The following UBE2G2 variants were observed in gnomAD, a reference collection of about 807,000 sequenced individuals.
UBE2G2 encodes ubiquitin-conjugating enzyme E2 G2.
A neutral mutation model predicts 23.0 loss-of-function variants in UBE2G2; 10 were observed. The observed-to-expected ratio is 0.43, with a 90% CI of 0.27 to 0.74. UBE2G2 has a LOEUF of 0.74. Among genes scored for constraint, UBE2G2 ranks in the 30% least tolerant of loss-of-function variants. The pLI is 0.19. For synonymous variants in UBE2G2, 86 were observed against 81.3 expected (o/e 1.06, Z -0.31); for missense variants, 150 against 218.3 (o/e 0.69, Z 1.97).
chr21:44,788,531 C>T (rs1178133029), intron 1 of UBE2G2, among the ~76,000 whole-genome samples: 2 of 152,158 alleles, frequency 1.3e-5, no homozygotes, highest in Admixed American at 1.3e-4. Flanking sequence ...CCTCGTGATC[C>T]GCCAGCCTCG....
chr21:44,780,343 A>G lies in UBE2G2; in HGVS notation c.126-2926T>C, dbSNP rs59692152. 2.6e-3 allele frequency among the ~76,000 whole-genome samples: 397 copies of G among 152,326 alleles called. 2 individuals are homozygous for G. The highest frequency in any genetic ancestry group is 9.2e-3 in the African/African-American group (382 of 41,568). The stretch of plus-strand genomic sequence containing the variant: ...GCAACTCCCGAGCCAGGAGTGGGAG[A>G]CGCCACAGTGCTGTTTTTGGACAAG... On this transcript the variant is annotated intron_variant, in intron 3 of 5. Coordinates refer to ENST00000345496, the MANE Select transcript of UBE2G2 (RefSeq NM_003343.6).
At chr21:44,778,700 C>T (rs2082931926) in intron 3 of UBE2G2, among the ~76,000 whole-genome samples, 2 of 152,172 alleles carry the variant, frequency 1.3e-5, no homozygotes, top group Admixed American at 6.5e-5. Context: ...TGAATGACAG[C>T]GGCAGACAAC....
At chr21:44,799,932 T>A (rs1555964496) in intron 1 of UBE2G2, 1 of 152,224 alleles carries the variant, frequency 6.6e-6, no homozygotes, top group African/African-American at 2.4e-5. Flanking sequence ...CTAATTTCAA[T>A]GTTGTTTTGT....
At chr21:44,793,741 CCACA>C (rs2083063669) in intron 1 of UBE2G2, among the ~76,000 whole-genome samples, 1 of 152,150 alleles carries the variant, frequency 6.6e-6, no homozygotes, top group South Asian at 2.1e-4. Flanking sequence ...CAAATAGCTA[CCACA>C]CAAAGTGAAA....
chr21:44,783,191 A>C (rs1448159801), intron 3 of UBE2G2, among the ~76,000 whole-genome samples: 1 of 152,238 alleles, frequency 6.6e-6, no homozygotes, highest in East Asian at 1.9e-4. Context: ...ATTAGTCGTC[A>C]AGGAAATCCA....
rs2082850043 is a variant in UBE2G2, at chr21:44,769,015, G to C, written c.*2362C>G. ...GGGGGCAGTGGCCACAGGCTCCTCT[G>C]ACAATACGACAAAGGGACACACACT... On this transcript the variant is annotated 3_prime_UTR_variant, in exon 6 of 6. Coordinates refer to ENST00000345496, the MANE Select transcript of UBE2G2 (RefSeq NM_003343.6). The C allele has an allele frequency of 6.6e-6, 1 of 152,178 alleles. No homozygotes were observed. The highest frequency in any genetic ancestry group is 1.5e-5 in the Non-Finnish European group (1 of 68,054). 9.4% of individuals were successfully genotyped at this position (152,178 alleles called of 1,614,324 possible).
At chr21:44,798,894 C>T (rs2083114209) in intron 1 of UBE2G2, among the ~76,000 whole-genome samples, 2 of 152,318 alleles carry the variant, frequency 1.3e-5, no homozygotes, top group Non-Finnish European at 2.9e-5. Context: ...AAAGAAATCA[C>T]TTTTCATGGC....
At chr21:44,796,160 G>C (rs1347660400) in intron 1 of UBE2G2, among the ~76,000 whole-genome samples, 1 of 152,218 alleles carries the variant, frequency 6.6e-6, no homozygotes, top group African/African-American at 2.4e-5. Flanking sequence ...GGAAAGGCTG[G>C]ATGATGAATG....
chr21:44,782,568 T>C (rs1367561406), intron 3 of UBE2G2, among the ~76,000 whole-genome samples: 1 of 152,164 alleles, frequency 6.6e-6, no homozygotes, highest in African/African-American at 2.4e-5. Context: ...ATCAAGACAG[T>C]GTAGTAATGG....
intron 1 of UBE2G2, among the ~76,000 whole-genome samples, chr21:44,798,749 T>A (rs141638649): frequency 1.3e-5 from 2 of 152,356 alleles, no homozygotes; most frequent in Non-Finnish European, 2.9e-5. Flanking sequence ...AAGTCATCCA[T>A]GAGCATTGAA....
intron 1 of UBE2G2, among the ~76,000 whole-genome samples, chr21:44,797,384 T>C (rs1165437807): frequency 2.0e-5 from 3 of 152,214 alleles, no homozygotes; most frequent in African/African-American, 7.2e-5. Flanking sequence ...CAGCCTGAAC[T>C]TAATTTCCTA....
intron 1 of UBE2G2, chr21:44,789,384 C>CAAAAAAAA (rs56695709): frequency 4.9e-5 from 4 of 82,324 alleles, no homozygotes; most frequent in Non-Finnish European, 4.7e-5. Context: ...GACTCTGTCT[C>CAAAAAAAA]AAAAAAAAAA....
At chr21:44,781,043 T>A (rs530068764) in intron 3 of UBE2G2, among the ~76,000 whole-genome samples, 1 of 152,350 alleles carries the variant, frequency 6.6e-6, no homozygotes, top group Admixed American at 6.5e-5. Context: ...AGCCGACTGC[T>A]TTTGCTGCTG....
In UBE2G2 at chr21:44,769,897, T is replaced by C. The variant is rs1555959602; in HGVS notation, c.*1480A>G. The C allele has an allele frequency of 6.6e-6, 1 of 152,286 alleles. No homozygotes were observed. The highest frequency in any genetic ancestry group is 6.5e-5 in the Admixed American group (1 of 15,284). The allele number at this position is 152,286 out of a possible 1,614,324, so 9.4% of individuals were successfully genotyped here. A position where few individuals can be genotyped will look rare whatever the true frequency, so the allele number is the denominator to read the frequency against. ...CTTATTTCAAAAATAGAAATTCCTA[T>C]TTAAATGCCGCCCGTGTGCGACAGG... On this transcript the variant is annotated 3_prime_UTR_variant, in exon 6 of 6. Transcript: ENST00000345496.
At position 44,770,661 on chromosome 21, in the gene UBE2G2, C is replaced by A. The variant is rs2082865997; in HGVS notation, c.*716G>T. The A allele has an allele frequency of 6.6e-6, 1 of 152,222 alleles. No individual in the cohort carries two copies. Among genetic ancestry groups the A allele is most frequent in the Non-Finnish European group, 1.5e-5 (1 of 68,040 alleles). The allele number at this position is 152,222 out of a possible 1,614,324, so 9.4% of individuals were successfully genotyped here. A position where few individuals can be genotyped will look rare whatever the true frequency, so the allele number is the denominator to read the frequency against. ...CTCAATTTCCTGACCTTGTGATCTA[C>A]CTGCCTTGGCCTCCCAAAGAGCTGG... On this transcript the variant is annotated 3_prime_UTR_variant, in exon 6 of 6. Transcript: ENST00000345496.
intron 1 of UBE2G2, among the ~76,000 whole-genome samples, chr21:44,798,987 G>T (rs781898863): frequency 8.5e-5 from 13 of 152,200 alleles, no homozygotes; most frequent in Non-Finnish European, 1.6e-4. Flanking sequence ...TGTTGTGTTA[G>T]CAGGCACAAA....
At chr21:44,776,664 T>G (rs1365527384) in intron 4 of UBE2G2, among the ~76,000 whole-genome samples, 1 of 152,214 alleles carries the variant, frequency 6.6e-6, no homozygotes, top group Non-Finnish European at 1.5e-5. Context: ...AGGCACATCT[T>G]TCCCGTGCTG....
In UBE2G2 at chr21:44,768,717, G is replaced by A. The variant is rs1318189878; in HGVS notation, c.*2660C>T. On this transcript the variant is annotated 3_prime_UTR_variant, in exon 6 of 6. Coordinates refer to ENST00000345496, the MANE Select transcript of UBE2G2 (RefSeq NM_003343.6). ...GAGCTGTGCTTCTAAGCAACTGCAG[G>A]AGGGAAGCGCAGTCGGAACAGCCTG... 6.6e-6 allele frequency: 1 copy of A among 152,236 alleles called. No homozygotes were observed. Among genetic ancestry groups the A allele is most frequent in the Non-Finnish European group, 1.5e-5 (1 of 68,046 alleles). The allele number at this position is 152,236 out of a possible 1,614,324, so 9.4% of individuals were successfully genotyped here.
At chr21:44,788,718 G>A (rs1466832879) in intron 1 of UBE2G2, among the ~76,000 whole-genome samples, 1 of 151,260 alleles carries the variant, frequency 6.6e-6, no homozygotes, top group Non-Finnish European at 1.5e-5. Flanking sequence ...GCTTAGTTTT[G>A]AGACAGGGTC....
Sources: gnomAD v4.1 joint callset for allele counts (sites outside exome capture counted in the v4.1 genomes callset) on GRCh38, gnomAD v4.1.1 for gene constraint, MANE v1.5 for transcripts, NCBI Gene and HGNC (gene_info 2026-07-23, HGNC 2026-07-21) for gene names.